Variants in ERC1 observed in about 807,000 individuals in gnomAD.
The protein encoded by ERC1 is RAB6 interacting protein 2.
Under a neutral mutation model 132.0 loss-of-function variants are expected in ERC1, and 56 were observed. The ratio of observed to expected loss-of-function variants is 0.42; its 90% CI spans 0.34 to 0.53. ERC1 has a LOEUF of 0.53. Among genes scored for constraint, ERC1 ranks in the 20% least tolerant of loss-of-function variants. The pLI is 0.03. For synonymous variants in ERC1, 478 were observed against 476.1 expected (o/e 1.00, Z -0.05); for missense variants, 1,202 against 1,349.9 (o/e 0.89, Z 1.72).
At chr12:1,081,859 C>G (rs915053244) in intron 2 of ERC1, among the ~76,000 whole-genome samples, 6 of 151,848 alleles carry the variant, frequency 4.0e-5, no homozygotes, top group Non-Finnish European at 7.4e-5. Context: ...AGGGTTTTTA[C>G]TACAGTAAAA....
At chr12:1,181,783 C>CA (rs35973834) in intron 9 of ERC1, 142 bp from the exon 10 acceptor site, 127,609 of 687,674 alleles carry the variant, frequency 0.19, 1 homozygote, top group Non-Finnish European at 0.21. Flanking sequence ...AACTCTGTCT[C>CA]AAAAAAAAAA....
chr12:1,151,968 G>A (rs540005569), intron 8 of ERC1: 1 of 152,506 alleles, frequency 6.6e-6, no homozygotes, highest in East Asian at 1.9e-4. Context: ...GGAGACCGAG[G>A]CAGGTGGATC....
At chr12:1,470,466 C>A (rs1392021004) in intron 18 of ERC1, among the ~76,000 whole-genome samples, 1 of 143,044 alleles carries the variant, frequency 7.0e-6, no homozygotes, top group Non-Finnish European at 1.5e-5. Context: ...TTTTTTTCTT[C>A]ATCTTCTCCC....
intron 12 of ERC1, among the ~76,000 whole-genome samples, chr12:1,227,734 C>T (rs1004368760): frequency 2.0e-5 from 3 of 152,140 alleles, no homozygotes; most frequent in Admixed American, 6.5e-5. Context: ...TGCAGACCCA[C>T]ATCAGGAAGT....
intron 17 of ERC1, among the ~76,000 whole-genome samples, chr12:1,408,814 T>C (rs1338704553): frequency 6.6e-6 from 1 of 152,224 alleles, no homozygotes; most frequent in Non-Finnish European, 1.5e-5. Flanking sequence ...GAGATATTGA[T>C]GAATCTGAAG....
rs112699734 is a variant in ERC1, at chr12:1,493,492, G to C, written c.*3262G>C. On this transcript the variant is annotated 3_prime_UTR_variant, in exon 19 of 19. Coordinates refer to ENST00000360905, the MANE Select transcript of ERC1 (RefSeq NM_178040.4). ...GCAGAGGCTGCGGTGAGCCGAGATCGTGTCACTGCACTCCAGCCTGGGTGA... is the reference window on the plus strand; with the variant it reads ...GCAGAGGCTGCGGTGAGCCGAGATCCTGTCACTGCACTCCAGCCTGGGTGA... The C allele has an allele frequency of 0.022, 3,067 of 140,796 alleles. 143 individuals are homozygous for C. The highest frequency in any genetic ancestry group is 0.078 in the African/African-American group (2,923 of 37,304). The allele number at this position is 140,796 out of a possible 1,614,324, so 8.7% of individuals were successfully genotyped here.
intron 15 of ERC1, among the ~76,000 whole-genome samples, chr12:1,359,516 G>A (rs1210702590): frequency 6.6e-6 from 1 of 152,066 alleles, no homozygotes; most frequent in African/African-American, 2.4e-5. Flanking sequence ...GTCATCCCAC[G>A]GTGGAAGGGC....
intron 18 of ERC1, among the ~76,000 whole-genome samples, chr12:1,458,574 G>C (rs1222235146): frequency 4.9e-5 from 6 of 122,854 alleles, no homozygotes; most frequent in African/African-American, 1.9e-4. Context: ...CGCTCTTGTT[G>C]CCCAGGCTGA....
intron 17 of ERC1, among the ~76,000 whole-genome samples, chr12:1,423,663 G>A (rs2092511919): frequency 6.6e-6 from 1 of 152,190 alleles, no homozygotes; most frequent in Non-Finnish European, 1.5e-5. Context: ...GTTAATTGCA[G>A]AGAAAGAAGC....
intron 2 of ERC1, among the ~76,000 whole-genome samples, chr12:1,029,817 A>G (rs1211588440): frequency 1.4e-5 from 2 of 140,502 alleles, no homozygotes; most frequent in Non-Finnish European, 3.0e-5. Context: ...ACGCAATCTC[A>G]GTTCGCTGCA....
intron 17 of ERC1, among the ~76,000 whole-genome samples, chr12:1,434,002 G>A (rs1324156234): frequency 6.7e-6 from 1 of 149,230 alleles, no homozygotes; most frequent in Non-Finnish European, 1.5e-5. Flanking sequence ...AAAAAAAAAG[G>A]TGTACTCCCT....
In ERC1 at chr12:1,000,306, G is replaced by A. The variant is rs187830011; in HGVS notation, c.-157+8984G>A. On this transcript the variant is annotated intron_variant, in intron 1 of 18. Coordinates refer to ENST00000360905, the MANE Select transcript of ERC1 (RefSeq NM_178040.4). The stretch of plus-strand genomic sequence containing the variant: ...TCAAGACCAGCCTGAGCAACGTGGC[G>A]AAACCCCATCTCTACTAAAAAATAA... 7.2e-5 allele frequency among the ~76,000 whole-genome samples: 11 copies of A among 152,102 alleles called. No homozygotes were observed. The East Asian group carries it at 1.7e-3, about 24-fold the overall frequency.
intron 18 of ERC1, chr12:1,480,705 G>GAC: frequency 3.3e-6 from 2 of 602,650 alleles, no homozygotes; most frequent in East Asian, 5.5e-5. Context: ...CCTGCCTTGA[G>GAC]GAGGTGAGGA....
intron 14 of ERC1, among the ~76,000 whole-genome samples, chr12:1,265,378 C>A (rs1448884092): frequency 6.6e-6 from 1 of 152,096 alleles, no homozygotes; most frequent in Non-Finnish European, 1.5e-5. Context: ...ATTGTGTGAA[C>A]TGATTATAAT....
At chr12:1,121,819 ATCTGTGTC>A (rs1450234220) in intron 7 of ERC1, among the ~76,000 whole-genome samples, 5 of 18,502 alleles carry the variant, frequency 2.7e-4, no homozygotes, top group African/African-American at 8.4e-4. Context: ...CTCTATCTCT[ATCTGTGTC>A]TCTATCTCTA....
chr12:1,490,204 G>C lies in ERC1; in HGVS notation c.3325G>C (p.Val1109Leu). ...TTGTCCCGACATCCTAGAGCAAGTG[G>C]TCAACGCCCTGGAAGAGTCCTCTTG... Reference protein sequence around the residue: ...DHCPDILEQVVNALEESS With the variant: ...DHCPDILEQVLNALEESS The change falls in exon 19 of 19, where the codon GTC becomes CTC. Residue 1109 changes from valine (V) to leucine (L), a missense_variant. By Grantham distance (32) the Val-to-Leu change is conservative. Transcript: ENST00000360905. 1 of 1,614,146 alleles carries C rather than the reference G, an allele frequency of 6.2e-7. No individual in the cohort carries two copies. The highest frequency in any genetic ancestry group is 8.5e-7 in the Non-Finnish European group (1 of 1,180,034).
At chr12:1,208,232 C>A (rs774672894) in intron 12 of ERC1, among the ~76,000 whole-genome samples, 12 of 152,170 alleles carry the variant, frequency 7.9e-5, no homozygotes, top group Non-Finnish European at 1.6e-4. Context: ...ACTTTCCTTT[C>A]CTCTGTATCA....
intron 18 of ERC1, among the ~76,000 whole-genome samples, chr12:1,469,155 T>C (rs1000060236): frequency 4.6e-5 from 7 of 152,350 alleles, no homozygotes; most frequent in Middle Eastern, 3.4e-3. Flanking sequence ...CAATATCTTA[T>C]TAAGAGTCTC....
chr12:1,490,013 ATT>A, intron 18 of ERC1, 78 bp from the exon 19 acceptor site: 1 of 1,494,792 alleles, frequency 6.7e-7, no homozygotes, highest in South Asian at 1.3e-5. Flanking sequence ...TGCCTTTGTC[ATT>A]TATTGATGAA....
Sources: gnomAD v4.1 joint callset for allele counts (sites outside exome capture counted in the v4.1 genomes callset) on GRCh38, gnomAD v4.1.1 for gene constraint, MANE v1.5 for transcripts, NCBI Gene and HGNC (gene_info 2026-07-23, HGNC 2026-07-21) for gene names.